TANC1: variants seen among roughly 807,000 people sequenced by gnomAD.
TANC1 encodes the protein protein TANC1.
A neutral mutation model predicts 149.7 loss-of-function variants in TANC1; 77 were observed. That is an observed-to-expected ratio of 0.51 (90% CI 0.43 to 0.62). The LOEUF (loss-of-function observed/expected upper bound fraction) is 0.62. TANC1 is among the 20% of genes least tolerant of loss of function. The pLI is 0.00. For synonymous variants in TANC1, 854 were observed against 925.0 expected (o/e 0.92, Z 1.39); for missense variants, 1,985 against 2,321.8 (o/e 0.85, Z 2.98).
intron 22 of TANC1, among the ~76,000 whole-genome samples, chr2:159,223,157 G>A (rs1431460610): frequency 2.6e-5 from 4 of 152,080 alleles, no homozygotes; most frequent in Admixed American, 6.5e-5. Context: ...TGCCTGCCTC[G>A]GCCTCCCAAA....
At chr2:159,086,944 C>T (rs2044938588) in intron 3 of TANC1, among the ~76,000 whole-genome samples, 1 of 150,446 alleles carries the variant, frequency 6.6e-6, no homozygotes, top group Admixed American at 6.6e-5. Context: ...GCAATGAAAA[C>T]AGTCATTGTG....
chr2:158,993,041 C>T (rs558295116), intron 1 of TANC1, among the ~76,000 whole-genome samples: 3 of 152,052 alleles, frequency 2.0e-5, no homozygotes, highest in Non-Finnish European at 4.4e-5. Flanking sequence ...AGAATCAGGG[C>T]AGAGAGAAAA....
intron 14 of TANC1, among the ~76,000 whole-genome samples, chr2:159,184,488 G>A (rs749776248): frequency 6.6e-5 from 10 of 152,152 alleles, no homozygotes; most frequent in Non-Finnish European, 1.0e-4. Context: ...GTGATAGTTA[G>A]TGTGTCTTTG....
intron 7 of TANC1, among the ~76,000 whole-genome samples, chr2:159,155,448 G>A (rs562796472): frequency 6.6e-6 from 1 of 152,252 alleles, no homozygotes; most frequent in South Asian, 2.1e-4. Context: ...GTAGTGTCCT[G>A]AATCGGCCTC....
chr2:159,015,963 A>G (rs1267097991), intron 2 of TANC1, among the ~76,000 whole-genome samples: 1 of 151,998 alleles, frequency 6.6e-6, no homozygotes, highest in Non-Finnish European at 1.5e-5. Context: ...AGCCCTTCAA[A>G]CTGTTCCAGC....
rs553977682 is a variant in TANC1 at position 159,183,679 on chromosome 2, T to C, written c.2511-2112T>C. On this transcript the variant is annotated intron_variant, in intron 14 of 26. Transcript: ENST00000263635. ...GAGGTGGAAGGGCTTAGGGGGCGGG[T>C]GGTTTTGTTTGTTTGTTTGTTTTTT... Among the ~76,000 whole-genome samples, 7 of 151,332 alleles carry C rather than the reference T, an allele frequency of 4.6e-5. 1 individual carries two copies. The highest frequency in any genetic ancestry group is 1.7e-4 in the African/African-American group (7 of 41,206).
intron 1 of TANC1, among the ~76,000 whole-genome samples, chr2:158,974,354 A>G (rs2033343580): frequency 6.6e-6 from 1 of 152,204 alleles, no homozygotes; most frequent in African/African-American, 2.4e-5. Flanking sequence ...GGATACTAAA[A>G]TCCTCAAATG....
chr2:159,195,201 A>G lies in TANC1; in HGVS notation c.2979+708A>G, dbSNP rs149420847. 1.5e-3 allele frequency among the ~76,000 whole-genome samples: 226 copies of G among 152,206 alleles called. 1 individual carries two copies. Among genetic ancestry groups the G allele is most frequent in the African/African-American group, 5.2e-3 (218 of 41,536 alleles). On this transcript the variant is annotated intron_variant, in intron 17 of 26. Transcript: ENST00000263635. ...AGAGGCATGATCTTGGCTCACTGCA[A>G]CCTCCACCTCCCAGGTTTAAGTGAT...
chr2:159,195,737 G>A (rs1046864978), intron 17 of TANC1, among the ~76,000 whole-genome samples: 7 of 152,164 alleles, frequency 4.6e-5, no homozygotes, highest in South Asian at 2.1e-4. Flanking sequence ...CTCCATTTAC[G>A]GATGGCAGCT....
chr2:159,093,128 A>G (rs542152985), intron 3 of TANC1, among the ~76,000 whole-genome samples: 4 of 152,318 alleles, frequency 2.6e-5, no homozygotes, highest in South Asian at 2.1e-4. Context: ...GTAAATTACT[A>G]GTCATTGATA....
At position 159,230,291 on chromosome 2, in the gene TANC1, G is replaced by GT. The variant is rs1466326210; in HGVS notation, c.4866dup (p.Lys1623Ter). On this transcript the variant is annotated frameshift_variant, in exon 27 of 27. Coordinates refer to ENST00000263635, the MANE Select transcript of TANC1 (RefSeq NM_033394.3). LOFTEE classifies it high-confidence loss of function. The surrounding 1 kb of genome is among the most constrained non-coding windows in gnomAD (Gnocchi z 4.4). ...AATGGCCCTGCACACCCTTTACCAAGTAAGACGAAAACCACAGAGAGGCTT... is the reference window on the plus strand; with the variant it reads ...AATGGCCCTGCACACCCTTTACCAAGTTAAGACGAAAACCACAGAGAGGCTT... 1.2e-6 allele frequency: 2 copies of GT among 1,614,012 alleles called. No individual in the cohort carries two copies. Among genetic ancestry groups the GT allele is most frequent in the Admixed American group, 1.7e-5 (1 of 60,004 alleles).
chr2:159,180,460 C>T (rs936631501), intron 14 of TANC1, among the ~76,000 whole-genome samples: 2 of 152,134 alleles, frequency 1.3e-5, no homozygotes, highest in Admixed American at 6.5e-5. Context: ...CATTAAGCTT[C>T]GCTTCATTTT....
chr2:159,186,622 C>T (rs191982366), intron 15 of TANC1, among the ~76,000 whole-genome samples: 42 of 152,194 alleles, frequency 2.8e-4, no homozygotes, highest in African/African-American at 9.1e-4. Context: ...CCAGCCTGGG[C>T]GACACAGCAA....
At position 159,076,902 on chromosome 2, in the gene TANC1, A is replaced by G. The variant is rs1052790194; in HGVS notation, c.61+10931A>G. 2.0e-5 allele frequency among the ~76,000 whole-genome samples: 3 copies of G among 152,138 alleles called. No homozygotes were observed. In the East Asian group the frequency reaches 5.8e-4, roughly 29 times the overall value. ...TAAACATAAAGGAAAACATATCTCT[A>G]TGTTATATCTCTATATCTCTATCCC... On this transcript the variant is annotated intron_variant, in intron 3 of 26. Transcript: ENST00000263635.
chr2:159,174,894 T>C, intron 11 of TANC1, 59 bp from the exon 12 acceptor site: 2 of 1,326,434 alleles, frequency 1.5e-6, no homozygotes, highest in Non-Finnish European at 2.2e-6. Flanking sequence ...CTGTTTGAGA[T>C]TGCAGAAGGA....
chr2:159,144,410 C>G (rs1156877675), intron 5 of TANC1, among the ~76,000 whole-genome samples: 1 of 152,184 alleles, frequency 6.6e-6, no homozygotes, highest in Non-Finnish European at 1.5e-5. Context: ...GAGTCTCGCT[C>G]TGTCTCTCAG....
chr2:159,021,645 A>G (rs1206169794), intron 2 of TANC1, among the ~76,000 whole-genome samples: 1 of 152,198 alleles, frequency 6.6e-6, no homozygotes, highest in Non-Finnish European at 1.5e-5. Context: ...GAAAGAAAGA[A>G]AAAGTAATTT....
chr2:159,136,049 T>A (rs62171096), intron 4 of TANC1, 145 bp from the exon 5 acceptor site: 12 of 90,870 alleles, frequency 1.3e-4, no homozygotes, highest in East Asian at 3.1e-4. Context: ...TGTGTGTGTG[T>A]GCGCGCGCGC....
At chr2:158,980,157 G>A (rs564886519) in intron 1 of TANC1, among the ~76,000 whole-genome samples, 1 of 152,266 alleles carries the variant, frequency 6.6e-6, no homozygotes, top group African/African-American at 2.4e-5. Context: ...GTTAACCAAA[G>A]TAAACCAGGT....
Sources: gnomAD v4.1 joint callset for allele counts (sites outside exome capture counted in the v4.1 genomes callset) on GRCh38, gnomAD v4.1.1 for gene constraint, Gnocchi (gnomAD v3.1) non-coding constraint, MANE v1.5 for transcripts, NCBI Gene and HGNC (gene_info 2026-07-23, HGNC 2026-07-21) for gene names.